TAX1BP1: variants seen among roughly 807,000 people sequenced by gnomAD.
The protein encoded by TAX1BP1 is Tax1 binding protein 1, also known as tax1-binding protein 1.
In TAX1BP1, 62 loss-of-function variants were observed where a neutral mutation model predicts 97.7. That is an observed-to-expected ratio of 0.63 (90% CI 0.52 to 0.78). TAX1BP1 has a LOEUF of 0.78. TAX1BP1 is among the 30% of genes least tolerant of loss of function. The pLI, the probability that TAX1BP1 is intolerant of heterozygous loss-of-function variation, is 0.00. For synonymous variants in TAX1BP1, 340 were observed against 304.2 expected, an observed-to-expected ratio of 1.12 and a Z score of -1.23; for missense variants, 867 against 916.1, an observed-to-expected ratio of 0.95 and a Z score of 0.69.
rs1042193628 is a variant in TAX1BP1 at position 27,816,778 on chromosome 7, AT to A, written c.1937-105del. On this transcript the variant is annotated intron_variant, in intron 14 of 16. Transcript: ENST00000396319. ...ACCTGGGTTAAAAATAAAAACATCTATTTTTTTCACATGCCAAAGTGGTTCT... is the reference window on the plus strand; with the variant it reads ...ACCTGGGTTAAAAATAAAAACATCTATTTTTTCACATGCCAAAGTGGTTCT... 3.7e-6 allele frequency: 5 copies of A among 1,348,532 alleles called. No individual in the cohort carries two copies. In the African/African-American group the frequency reaches 7.4e-5, roughly 20 times the overall value. The allele number at this position is 1,348,532 out of a possible 1,614,324, so 83.5% of individuals were successfully genotyped here. A position where few individuals can be genotyped will look rare whatever the true frequency, so the allele number is the denominator to read the frequency against.
chr7:27,739,384 A>G (rs1583653878), upstream of TAX1BP1: 1 of 152,358 alleles, frequency 6.6e-6, no homozygotes, highest in South Asian at 2.1e-4. Context: ...CGGCAACAGA[A>G]GACTATGATG....
chr7:27,804,069 CTTG>C (rs567248751), intron 13 of TAX1BP1, among the ~76,000 whole-genome samples: 37 of 152,248 alleles, frequency 2.4e-4, no homozygotes, highest in African/African-American at 8.7e-4. Flanking sequence ...TTTTGAAAAA[CTTG>C]TTATCTTCCA....
intron 5 of TAX1BP1, among the ~76,000 whole-genome samples, chr7:27,780,851 C>G (rs1426727617): frequency 6.6e-6 from 1 of 151,686 alleles, no homozygotes; most frequent in Non-Finnish European, 1.5e-5. Context: ...ACTTTTAAAC[C>G]CATAATTTTT....
chr7:27,785,780 C>T (rs1396932581), intron 7 of TAX1BP1, among the ~76,000 whole-genome samples: 3 of 152,300 alleles, frequency 2.0e-5, no homozygotes, highest in South Asian at 2.1e-4. Context: ...CACAGCATGG[C>T]AGCTAGCTTC....
intron 15 of TAX1BP1, 28 bp downstream of exon 15, chr7:27,817,066 T>C: frequency 6.3e-7 from 1 of 1,587,110 alleles, no homozygotes; most frequent in South Asian, 1.1e-5. Context: ...TGTGTGAGCC[T>C]GTCCCTTTTT....
At chr7:27,770,767 C>T (rs1788815669) in intron 5 of TAX1BP1, among the ~76,000 whole-genome samples, 1 of 152,058 alleles carries the variant, frequency 6.6e-6, no homozygotes, top group Non-Finnish European at 1.5e-5. Flanking sequence ...ATTTTCCTTG[C>T]TTTGTTCTAT....
At chr7:27,776,513 G>A (rs915270044) in intron 5 of TAX1BP1, among the ~76,000 whole-genome samples, 2 of 151,862 alleles carry the variant, frequency 1.3e-5, no homozygotes, top group African/African-American at 4.8e-5. Context: ...CAGTGTCATT[G>A]GTATTTTTCT....
intron 5 of TAX1BP1, among the ~76,000 whole-genome samples, chr7:27,771,099 T>TG (rs1788830775): frequency 2.2e-5 from 1 of 45,584 alleles, no homozygotes; most frequent in South Asian, 6.3e-4. Flanking sequence ...ATTCAGCAAT[T>TG]TTTTTTTTTT....
chr7:27,798,130 C>T (rs1044226113), intron 12 of TAX1BP1, among the ~76,000 whole-genome samples: 3 of 152,140 alleles, frequency 2.0e-5, no homozygotes, highest in African/African-American at 7.2e-5. Context: ...TACCCACTTT[C>T]AGCATGATTA....
rs150063090 is a variant in TAX1BP1 at position 27,809,184 on chromosome 7, A to G, written c.1765-7165A>G. Among the ~76,000 whole-genome samples the G allele has an allele frequency of 7.2e-5, 11 of 152,348 alleles. No individual in the cohort carries two copies. In the East Asian group the frequency reaches 2.1e-3, roughly 29 times the overall value. ...GAAAGGCTATTTTGAGATGGCTACA[A>G]CAAATGTAATTCGAAACAAATGTAA... On this transcript the variant is annotated intron_variant, in intron 13 of 16. Transcript: ENST00000396319.
intron 13 of TAX1BP1, among the ~76,000 whole-genome samples, chr7:27,808,358 A>G (rs565230401): frequency 1.3e-5 from 2 of 152,304 alleles, no homozygotes; most frequent in Non-Finnish European, 2.9e-5. Context: ...TAGACTAGGA[A>G]CCTGGTCTGA....
In TAX1BP1 at chr7:27,758,048, T is replaced by G. The variant is rs1265034243; in HGVS notation, c.180T>G (p.Ala60=). 6.2e-7 allele frequency: 1 copy of G among 1,611,524 alleles called. No homozygotes were observed. Among genetic ancestry groups the G allele is most frequent in the Non-Finnish European group, 8.5e-7 (1 of 1,178,926 alleles). The change falls in exon 3 of 17, where the codon GCT becomes GCG. Residue 60 remains alanine (A), a synonymous_variant. Coordinates refer to ENST00000396319, the MANE Select transcript of TAX1BP1 (RefSeq NM_006024.7). ...CCCTTTAGGTTGGATGGAGTACTGC[T>G]CGTGATTATTACACGTTTTTATGGT... is the stretch of plus-strand genomic sequence containing the variant. The part of the protein sequence containing the change: ...VGIFKVGWST[A]RDYYTFLWSP...
chr7:27,786,078 C>G (rs1056500066), intron 7 of TAX1BP1, among the ~76,000 whole-genome samples: 1 of 151,210 alleles, frequency 6.6e-6, no homozygotes, highest in Non-Finnish European at 1.5e-5. Context: ...TCAGAGATGT[C>G]ATTTTGTAAA....
intron 13 of TAX1BP1, 134 bp downstream of exon 13, chr7:27,800,224 A>C: frequency 1.2e-6 from 1 of 866,792 alleles, no homozygotes; most frequent in Non-Finnish European, 1.6e-6. Flanking sequence ...AAAATGTACT[A>C]TATATTTAGT....
chr7:27,758,513 C>T (rs903234511), intron 3 of TAX1BP1, among the ~76,000 whole-genome samples: 1 of 151,584 alleles, frequency 6.6e-6, no homozygotes, highest in African/African-American at 2.4e-5. Flanking sequence ...ATTAACAGAA[C>T]TTATAGTTAT....
chr7:27,746,337 A>G (rs1787814589), intron 1 of TAX1BP1, among the ~76,000 whole-genome samples: 1 of 135,146 alleles, frequency 7.4e-6, no homozygotes, highest in East Asian at 2.2e-4. Context: ...TGATTTAGCT[A>G]TAGTTTCTTT....
At chr7:27,820,662 A>T (rs533214708) in intron 15 of TAX1BP1, among the ~76,000 whole-genome samples, 1 of 152,238 alleles carries the variant, frequency 6.6e-6, no homozygotes, top group African/African-American at 2.4e-5. Flanking sequence ...ATGCAGTTCG[A>T]TGAAAGAATG....
At chr7:27,811,886 A>G (rs1331916507) in intron 13 of TAX1BP1, among the ~76,000 whole-genome samples, 1 of 152,226 alleles carries the variant, frequency 6.6e-6, no homozygotes, top group East Asian at 1.9e-4. Flanking sequence ...GTTGATAGAC[A>G]TTAATCTACC....
chr7:27,802,793 A>C (rs1028106897), intron 13 of TAX1BP1, among the ~76,000 whole-genome samples: 1 of 152,144 alleles, frequency 6.6e-6, no homozygotes, highest in African/African-American at 2.4e-5. Context: ...CAGAGAGAAT[A>C]TTGAGAGAAG....
Sources: allele counts gnomAD v4.1 joint callset (sites outside exome capture counted in the v4.1 genomes callset), GRCh38; gene constraint gnomAD v4.1.1; transcripts MANE v1.5; gene names NCBI Gene and HGNC (gene_info 2026-07-23, HGNC 2026-07-21).